Variants in ZFPM2 observed in about 807,000 individuals in gnomAD.
ZFPM2 encodes zinc finger protein, FOG family member 2, also known as zinc finger protein ZFPM2.
A neutral mutation model predicts 98.6 loss-of-function variants in ZFPM2; 20 were observed. The ratio of observed to expected loss-of-function variants is 0.20; its 90% CI spans 0.14 to 0.29. The LOEUF is 0.29. ZFPM2 is among the 10% of genes least tolerant of loss of function. ZFPM2 has a pLI of 1.00. For missense variants in ZFPM2, 1,310 were observed against 1,388.6 expected (o/e 0.94, Z 0.90); for synonymous variants, 518 against 502.7 (o/e 1.03, Z -0.41).
intron 3 of ZFPM2, among the ~76,000 whole-genome samples, chr8:105,551,422 A>G (rs1292859781): frequency 6.6e-6 from 1 of 152,042 alleles, no homozygotes; most frequent in Non-Finnish European, 1.5e-5. Flanking sequence ...TTTCCACTCT[A>G]TTTTTGAACA....
chr8:105,748,854 C>T (rs1280950390), intron 5 of ZFPM2, among the ~76,000 whole-genome samples: 1 of 151,972 alleles, frequency 6.6e-6, no homozygotes, highest in Non-Finnish European at 1.5e-5. Flanking sequence ...AAAGAATTGA[C>T]TAAATTTTTA....
chr8:105,505,548 T>C (rs567752687), intron 3 of ZFPM2, among the ~76,000 whole-genome samples: 14 of 152,276 alleles, frequency 9.2e-5, no homozygotes, highest in African/African-American at 3.1e-4. Context: ...CTTTTTTTTT[T>C]CTGTTGACAT....
chr8:105,366,801 T>C (rs1417882268), intron 1 of ZFPM2, among the ~76,000 whole-genome samples: 5 of 151,654 alleles, frequency 3.3e-5, no homozygotes, highest in Admixed American at 3.3e-4. Flanking sequence ...TCCTTGCCCA[T>C]GCCTATGTCC....
chr8:105,477,963 TC>T (rs1158839393), intron 3 of ZFPM2, among the ~76,000 whole-genome samples: 1 of 152,240 alleles, frequency 6.6e-6, no homozygotes, highest in African/African-American at 2.4e-5. Flanking sequence ...TTTTTTCCTT[TC>T]TGCACAGTGC....
At chr8:105,481,997 C>A (rs1205321960) in intron 3 of ZFPM2, among the ~76,000 whole-genome samples, 1 of 152,186 alleles carries the variant, frequency 6.6e-6, no homozygotes, top group African/African-American at 2.4e-5. Flanking sequence ...TACATATATG[C>A]ACTAAAGTAA....
At chr8:105,670,495 CAAAA>C (rs1160128174) in intron 5 of ZFPM2, among the ~76,000 whole-genome samples, 1 of 49,276 alleles carries the variant, frequency 2.0e-5, no homozygotes, top group Non-Finnish European at 3.6e-5. Flanking sequence ...GAGTCCATCT[CAAAA>C]AAAAAAAAAA....
At chr8:105,430,421 G>A (rs1811997095) in intron 2 of ZFPM2, among the ~76,000 whole-genome samples, 1 of 152,122 alleles carries the variant, frequency 6.6e-6, no homozygotes, top group South Asian at 2.1e-4. Context: ...AAAAGAGTTT[G>A]TGTTTATATT....
intron 4 of ZFPM2, among the ~76,000 whole-genome samples, chr8:105,611,936 G>A (rs1255143571): frequency 2.6e-5 from 4 of 151,856 alleles, no homozygotes; most frequent in Non-Finnish European, 4.4e-5. Context: ...GACCTCAGGC[G>A]ATCCACCCAA....
chr8:105,743,107 T>G (rs1358321120), intron 5 of ZFPM2, among the ~76,000 whole-genome samples: 1 of 151,676 alleles, frequency 6.6e-6, no homozygotes, highest in African/African-American at 2.4e-5. Flanking sequence ...CAATGAGGAG[T>G]AAGGAAAACG....
intron 3 of ZFPM2, among the ~76,000 whole-genome samples, chr8:105,450,728 G>A (rs1316487620): frequency 6.6e-6 from 1 of 152,014 alleles, no homozygotes; most frequent in Non-Finnish European, 1.5e-5. Context: ...GCTCACGTGT[G>A]TGTATTGGGG....
chr8:105,403,615 A>G (rs909611527), intron 1 of ZFPM2, among the ~76,000 whole-genome samples: 16 of 151,764 alleles, frequency 1.1e-4, no homozygotes, highest in Non-Finnish European at 2.2e-4. Flanking sequence ...TGTTTGTCCT[A>G]TGTTCCACAC....
intron 1 of ZFPM2, among the ~76,000 whole-genome samples, chr8:105,337,509 C>T (rs1812351056): frequency 6.6e-6 from 1 of 151,742 alleles, no homozygotes; most frequent in African/African-American, 2.4e-5. Context: ...CTTTCCCACC[C>T]TTGCCAATAT....
At chr8:105,583,013 T>C (rs1815636551) in intron 4 of ZFPM2, among the ~76,000 whole-genome samples, 1 of 152,244 alleles carries the variant, frequency 6.6e-6, no homozygotes, top group African/African-American at 2.4e-5. Context: ...GAAATACCTT[T>C]AAGCCATAGA....
intron 5 of ZFPM2, among the ~76,000 whole-genome samples, chr8:105,759,327 A>G (rs943298800): frequency 3.3e-5 from 5 of 152,098 alleles, no homozygotes; most frequent in African/African-American, 1.2e-4. Flanking sequence ...GAAAAGAATC[A>G]TGTTTTCTTG....
At chr8:105,325,001 G>T (rs904556438) in intron 1 of ZFPM2, among the ~76,000 whole-genome samples, 2 of 151,854 alleles carry the variant, frequency 1.3e-5, no homozygotes, top group Non-Finnish European at 3.0e-5. Context: ...TAACTTTGGA[G>T]TTCTTATCCT....
At chr8:105,347,160 CAGAT>C (rs1166353498) in intron 1 of ZFPM2, among the ~76,000 whole-genome samples, 1 of 148,504 alleles carries the variant, frequency 6.7e-6, no homozygotes, top group Non-Finnish European at 1.5e-5. Context: ...CCTTAGGTGT[CAGAT>C]AGAAAAACGT....
chr8:105,686,732 G>A (rs185504651), intron 5 of ZFPM2, among the ~76,000 whole-genome samples: 9 of 152,026 alleles, frequency 5.9e-5, no homozygotes, highest in Admixed American at 2.0e-4. Flanking sequence ...GTTAGCACAC[G>A]GTATTGACAT....
intron 1 of ZFPM2, among the ~76,000 whole-genome samples, chr8:105,368,864 T>C (rs1469935549): frequency 3.9e-5 from 6 of 152,174 alleles, no homozygotes; most frequent in Non-Finnish European, 8.8e-5. Flanking sequence ...ATCTAGAGCT[T>C]GTCATTTCTG....
intron 2 of ZFPM2, among the ~76,000 whole-genome samples, chr8:105,425,544 T>C (rs191097545): frequency 2.0e-5 from 3 of 152,268 alleles, no homozygotes; most frequent in Non-Finnish European, 2.9e-5. Context: ...ATTAGAAAGA[T>C]CAAGAGGCAG....
Sources: allele counts gnomAD v4.1 joint callset (sites outside exome capture counted in the v4.1 genomes callset), GRCh38; gene constraint gnomAD v4.1.1; transcripts MANE v1.5; gene names NCBI Gene and HGNC (gene_info 2026-07-23, HGNC 2026-07-21).